The following TRAPPC12 variants were observed in gnomAD, a reference collection of about 807,000 sequenced individuals.
The protein encoded by TRAPPC12 is TPR repeat protein 15.
In TRAPPC12, 61 loss-of-function variants were observed where a neutral mutation model predicts 69.2. That is an observed-to-expected ratio of 0.88 (90% confidence interval 0.72 to 1.09). The LOEUF (loss-of-function observed/expected upper bound fraction) is 1.09. Among genes scored for constraint, TRAPPC12 ranks in the 50% least tolerant of loss-of-function variants. The probability of loss-of-function intolerance (pLI) is 0.00; values close to 1 mark genes in which losing one functional copy is unlikely to be tolerated. For synonymous variants in TRAPPC12, 469 were observed against 438.9 expected (o/e 1.07, Z -0.86); for missense variants, 1,101 against 1,016.4 (o/e 1.08, Z -1.13).
chr2:3,440,278 T>A (rs1257870595), intron 5 of TRAPPC12, among the ~76,000 whole-genome samples: 1 of 152,242 alleles, frequency 6.6e-6, no homozygotes, highest in Non-Finnish European at 1.5e-5. Context: ...TAGGTCAAGT[T>A]GTAAAGAACT....
intron 6 of TRAPPC12, among the ~76,000 whole-genome samples, chr2:3,444,142 G>A: frequency 6.6e-6 from 1 of 152,214 alleles, no homozygotes; most frequent in Non-Finnish European, 1.5e-5. Flanking sequence ...ACTATGGGAA[G>A]CTGAAAGGCA....
intron 5 of TRAPPC12, among the ~76,000 whole-genome samples, chr2:3,436,959 T>A (rs1358962712): frequency 3.9e-5 from 2 of 51,524 alleles, no homozygotes; most frequent in African/African-American, 1.6e-4. Context: ...CAATCACCCC[T>A]GGATTAATCC....
At chr2:3,476,316 C>T (rs886106901) in intron 9 of TRAPPC12, among the ~76,000 whole-genome samples, 3 of 152,180 alleles carry the variant, frequency 2.0e-5, no homozygotes, top group Non-Finnish European at 2.9e-5. Context: ...AAGATTCCTA[C>T]GTTAGAGAGG....
intron 2 of TRAPPC12, among the ~76,000 whole-genome samples, chr2:3,397,929 A>G (rs1009946094): frequency 6.6e-6 from 1 of 152,142 alleles, no homozygotes; most frequent in Non-Finnish European, 1.5e-5. Flanking sequence ...AAAAAGTGCC[A>G]TTGGGTTCAA....
At chr2:3,450,857 C>A (rs1014668422) in intron 6 of TRAPPC12, among the ~76,000 whole-genome samples, 1 of 151,998 alleles carries the variant, frequency 6.6e-6, no homozygotes, top group Non-Finnish European at 1.5e-5. Context: ...AAACCAGTTC[C>A]CTAAACCTAT....
chr2:3,381,657 A>G (rs75289967), intron 1 of TRAPPC12, among the ~76,000 whole-genome samples: 21 of 152,326 alleles, frequency 1.4e-4, no homozygotes, highest in Non-Finnish European at 2.9e-4. Flanking sequence ...TTAATTATGA[A>G]CTATAAAGAC....
chr2:3,457,164 C>T, intron 6 of TRAPPC12: 2 of 461,224 alleles, frequency 4.3e-6, no homozygotes. Flanking sequence ...ATGGATACAG[C>T]TGGAGGCCAT....
chr2:3,459,952 G>C, intron 7 of TRAPPC12: 1 of 464,414 alleles, frequency 2.2e-6, no homozygotes, highest in South Asian at 2.2e-5. Flanking sequence ...CTTTTCTCAG[G>C]GTTCTGGCTT....
chr2:3,432,107 C>T (rs1425175590), intron 5 of TRAPPC12, among the ~76,000 whole-genome samples: 2 of 152,214 alleles, frequency 1.3e-5, no homozygotes, highest in Non-Finnish European at 2.9e-5. Flanking sequence ...AAAAGATCTT[C>T]CCGCTGGAAA....
At chr2:3,447,605 A>G (rs927481177) in intron 6 of TRAPPC12, among the ~76,000 whole-genome samples, 1 of 151,192 alleles carries the variant, frequency 6.6e-6, no homozygotes, top group Non-Finnish European at 1.5e-5. Context: ...GGACACAAAC[A>G]CCCCCCACCA....
chr2:3,427,250 G>A (rs948831923), intron 5 of TRAPPC12, among the ~76,000 whole-genome samples: 1 of 152,180 alleles, frequency 6.6e-6, no homozygotes, highest in South Asian at 2.1e-4. Context: ...CTCCAACCCC[G>A]CCCTCCCACG....
intron 3 of TRAPPC12, 70 bp downstream of exon 3, chr2:3,401,963 C>A: frequency 9.4e-7 from 1 of 1,067,020 alleles, no homozygotes; most frequent in South Asian, 1.8e-5. Context: ...AATATTTTCT[C>A]TAGAAGTCAA....
At chr2:3,427,978 C>G (rs1209213530) in intron 5 of TRAPPC12, among the ~76,000 whole-genome samples, 2 of 152,102 alleles carry the variant, frequency 1.3e-5, no homozygotes, top group Admixed American at 1.3e-4. Context: ...CTTGTGTATC[C>G]TATTTTACAG....
chr2:3,404,898 G>A (rs7355558), intron 3 of TRAPPC12, among the ~76,000 whole-genome samples: 17,400 of 151,176 alleles, frequency 0.12, 1,122 homozygotes, highest in Middle Eastern at 0.28. Flanking sequence ...GGGAGGGGGC[G>A]CAAAGAGTGA....
intron 9 of TRAPPC12, 116 bp downstream of exon 9, chr2:3,465,811 A>G: frequency 1.3e-6 from 1 of 764,096 alleles, no homozygotes; most frequent in South Asian, 1.6e-5. Context: ...AAAATATTCC[A>G]ATTCAAATGT....
intron 3 of TRAPPC12, among the ~76,000 whole-genome samples, chr2:3,411,336 C>G (rs913806648): frequency 1.3e-5 from 2 of 152,202 alleles, no homozygotes; most frequent in Non-Finnish European, 2.9e-5. Context: ...CGGTTGATTT[C>G]TGACAGGCCA....
intron 1 of TRAPPC12, among the ~76,000 whole-genome samples, chr2:3,380,700 A>G (rs1056074889): frequency 4.9e-4 from 75 of 152,282 alleles, no homozygotes; most frequent in African/African-American, 1.7e-3. Context: ...ACACAGTGTT[A>G]CTCATTCAGT....
At position 3,470,422 on chromosome 2, in the gene TRAPPC12, C is replaced by T. The variant is rs148956786; in HGVS notation, c.1776+4727C>T. On this transcript the variant is annotated intron_variant, in intron 9 of 11. Transcript: ENST00000324266. The stretch of plus-strand genomic sequence containing the variant: ...ACGATGGCCTGCACTGCGTGCTGTC[C>T]GCCCTGTTCCTGCTGGACTCTCTGC... Among the ~76,000 whole-genome samples, 9 of 152,368 alleles carry T rather than the reference C, an allele frequency of 5.9e-5. No homozygotes were observed. In the East Asian group the frequency reaches 1.5e-3, roughly 26 times the overall value.
intron 6 of TRAPPC12, chr2:3,457,020 C>G: frequency 4.4e-6 from 2 of 451,654 alleles, no homozygotes; most frequent in South Asian, 3.2e-5. Flanking sequence ...CACTGTCGCC[C>G]CACGCCATAG....
Sources: allele counts gnomAD v4.1 joint callset (sites outside exome capture counted in the v4.1 genomes callset), GRCh38; gene constraint gnomAD v4.1.1; transcripts MANE v1.5; gene names NCBI Gene and HGNC (gene_info 2026-07-23, HGNC 2026-07-21).